RASGRF2: variants seen among roughly 807,000 people sequenced by gnomAD.
RASGRF2 encodes ras-specific guanine nucleotide-releasing factor 2.
A neutral mutation model predicts 151.0 loss-of-function variants in RASGRF2; 76 were observed. The ratio of observed to expected loss-of-function variants is 0.50; its 90% CI spans 0.42 to 0.61. The LOEUF (loss-of-function observed/expected upper bound fraction) is 0.61. RASGRF2 is among the 20% of genes least tolerant of loss of function. The probability of loss-of-function intolerance (pLI) is 0.00; values close to 1 mark genes in which losing one functional copy is unlikely to be tolerated. For missense variants in RASGRF2, 1,148 were observed against 1,564.6 expected, an observed-to-expected ratio of 0.73 and a Z score of 4.49; for synonymous variants, 504 against 566.5, an observed-to-expected ratio of 0.89 and a Z score of 1.57.
intron 18 of RASGRF2, among the ~76,000 whole-genome samples, chr5:81,191,959 T>G (rs939056544): frequency 7.2e-5 from 11 of 152,222 alleles, no homozygotes; most frequent in African/African-American, 2.7e-4. Flanking sequence ...GTTATTTTTG[T>G]TCTAACATAT....
intron 2 of RASGRF2, among the ~76,000 whole-genome samples, chr5:81,059,734 A>T (rs902049785): frequency 6.6e-6 from 1 of 151,780 alleles, no homozygotes; most frequent in Non-Finnish European, 1.5e-5. Flanking sequence ...AATCCCAGCT[A>T]TTCAGGAGGC....
At chr5:81,020,422 C>G (rs982394462) in intron 1 of RASGRF2, among the ~76,000 whole-genome samples, 1 of 152,130 alleles carries the variant, frequency 6.6e-6, no homozygotes, top group Non-Finnish European at 1.5e-5. Context: ...GTGTAGTCAT[C>G]ATCGTGTATG....
intron 1 of RASGRF2, among the ~76,000 whole-genome samples, chr5:80,985,741 T>C (rs1365334595): frequency 2.6e-5 from 4 of 152,166 alleles, no homozygotes; most frequent in African/African-American, 9.6e-5. Context: ...TATTTTTAAG[T>C]GACCCAGCAC....
intron 18 of RASGRF2, among the ~76,000 whole-genome samples, chr5:81,192,452 AG>A (rs368301226): frequency 6.6e-6 from 1 of 152,336 alleles, no homozygotes; most frequent in African/African-American, 2.4e-5. Context: ...TTTTGTAGTT[AG>A]GCAATGGAAA....
chr5:81,106,913 T>C (rs647023), intron 12 of RASGRF2, among the ~76,000 whole-genome samples: 2,797 of 152,282 alleles, frequency 0.018, 33 homozygotes, highest in Non-Finnish European at 0.027. Flanking sequence ...CCTGCTTTTT[T>C]CTAGAAAGTG....
At chr5:81,142,754 A>G (rs1158093922) in intron 17 of RASGRF2, among the ~76,000 whole-genome samples, 1 of 152,204 alleles carries the variant, frequency 6.6e-6, no homozygotes, top group Non-Finnish European at 1.5e-5. Context: ...AAAATTATTA[A>G]GAATTTCAAG....
chr5:81,001,229 A>G (rs1039882731), intron 1 of RASGRF2, among the ~76,000 whole-genome samples: 2 of 152,188 alleles, frequency 1.3e-5, no homozygotes, highest in Non-Finnish European at 2.9e-5. Flanking sequence ...AGATTTACGA[A>G]TGAAGCTAGA....
chr5:81,164,566 A>G (rs991233226), intron 17 of RASGRF2, among the ~76,000 whole-genome samples: 7 of 152,148 alleles, frequency 4.6e-5, no homozygotes, highest in South Asian at 4.1e-4. Flanking sequence ...TTTTACAAGT[A>G]TCTGGTAGAC....
intron 17 of RASGRF2, among the ~76,000 whole-genome samples, chr5:81,151,544 T>C (rs35673979): frequency 6.6e-6 from 1 of 152,070 alleles, no homozygotes; most frequent in Non-Finnish European, 1.5e-5. Flanking sequence ...ACAGTTTTAT[T>C]GGATATAGAA....
intron 17 of RASGRF2, among the ~76,000 whole-genome samples, chr5:81,167,447 T>A (rs1754539016): frequency 6.6e-6 from 1 of 152,224 alleles, no homozygotes; most frequent in South Asian, 2.1e-4. Context: ...CAATCATCAA[T>A]CAGTCAGTTG....
At chr5:80,974,638 A>G (rs1292270758) in intron 1 of RASGRF2, among the ~76,000 whole-genome samples, 1 of 150,114 alleles carries the variant, frequency 6.7e-6, no homozygotes, top group Non-Finnish European at 1.5e-5. Context: ...TCAGTATGCC[A>G]TTTCCATTCG....
At chr5:81,036,363 A>C (rs1750493253) in intron 1 of RASGRF2, among the ~76,000 whole-genome samples, 1 of 152,064 alleles carries the variant, frequency 6.6e-6, no homozygotes, top group Admixed American at 6.6e-5. Flanking sequence ...AATTTTGGTA[A>C]AATCAGTAAT....
At chr5:81,108,960 C>T in intron 12 of RASGRF2, 36 bp from the exon 13 acceptor site, 2 of 1,580,442 alleles carry the variant, frequency 1.3e-6, no homozygotes, top group Non-Finnish European at 1.7e-6. Flanking sequence ...CCTAGGCTTT[C>T]ATGTGGGTTG....
At chr5:81,058,451 A>G (rs1751301895) in intron 2 of RASGRF2, among the ~76,000 whole-genome samples, 1 of 152,232 alleles carries the variant, frequency 6.6e-6, no homozygotes, top group African/African-American at 2.4e-5. Context: ...ATCCTGGAGC[A>G]GACATCCATT....
chr5:81,204,666 A>G (rs1755467127), intron 19 of RASGRF2, among the ~76,000 whole-genome samples: 1 of 152,192 alleles, frequency 6.6e-6, no homozygotes, highest in Admixed American at 6.5e-5. Context: ...TTCAGTGTAG[A>G]GTTTTTCTAG....
At chr5:81,211,146 GA>G (rs34983763) in intron 22 of RASGRF2, among the ~76,000 whole-genome samples, 125 of 126,394 alleles carry the variant, frequency 9.9e-4, no homozygotes, top group East Asian at 2.0e-3. Context: ...CCTGTCTCCA[GA>G]AAAAAAAAAA....
At chr5:81,081,958 A>G (rs747611140) in intron 7 of RASGRF2, among the ~76,000 whole-genome samples, 1 of 152,240 alleles carries the variant, frequency 6.6e-6, no homozygotes, top group Non-Finnish European at 1.5e-5. Flanking sequence ...TTTTAAAACA[A>G]CTATCTACAT....
At chr5:81,042,503 G>A (rs1434065027) in intron 1 of RASGRF2, among the ~76,000 whole-genome samples, 2 of 152,256 alleles carry the variant, frequency 1.3e-5, no homozygotes, top group Non-Finnish European at 2.9e-5. Context: ...GTGCAGTGAT[G>A]TAGACTTCTG....
chr5:81,178,894 A>G (rs1398217931), intron 17 of RASGRF2, among the ~76,000 whole-genome samples: 1 of 151,994 alleles, frequency 6.6e-6, no homozygotes, highest in Admixed American at 6.6e-5. Context: ...GCCCGCCACC[A>G]CGCCTGGCTA....
Sources: gnomAD v4.1 joint callset for allele counts (sites outside exome capture counted in the v4.1 genomes callset) on GRCh38, gnomAD v4.1.1 for gene constraint, MANE v1.5 for transcripts, NCBI Gene and HGNC (gene_info 2026-07-23, HGNC 2026-07-21) for gene names.